The following STARD5 variants were observed in gnomAD, a reference collection of about 807,000 sequenced individuals.
STARD5 encodes StAR related lipid transfer domain containing 5.
In STARD5, 26 loss-of-function variants were observed where a neutral mutation model predicts 24.6. The observed-to-expected ratio is 1.06, with a 90% CI of 0.77 to 1.47. The LOEUF (loss-of-function observed/expected upper bound fraction) is 1.47. Among genes scored for constraint, STARD5 ranks in the 40% most tolerant of loss-of-function variants. The probability of loss-of-function intolerance (pLI) is 0.00; values close to 1 mark genes in which losing one functional copy is unlikely to be tolerated. For synonymous variants in STARD5, 101 were observed against 99.7 expected (o/e 1.01, Z -0.07); for missense variants, 254 against 270.8 (o/e 0.94, Z 0.44).
Position 81,322,359 on chromosome 15 carries a change from T to C in STARD5, c.282+49A>G, listed in dbSNP as rs115946248. 1,620 of 1,612,212 alleles carry C rather than the reference T, an allele frequency of 1.0e-3. 20 individuals carry two copies. The African/African-American group carries it at 0.019, about 19-fold the overall frequency. On this transcript the variant is annotated intron_variant, in intron 3 of 5. Transcript: ENST00000302824. ...CAGAAGAAATGGGAGGGGGTTACTA[T>C]AGCCTGGCCCAGACACTATCTAGAG...
Position 81,324,078 on chromosome 15 carries a change from G to C in STARD5, c.22C>G (p.Gln8Glu). Residue 8 changes from glutamine (Q) to glutamate (E), a missense_variant, in exon 1 of 6, where the codon CAG becomes GAG. By Grantham distance (29) the Gln-to-Glu change is conservative. Transcript: ENST00000302824. MDPALAA[Q>E]MSEAVAEKML... ...TTCTCGGCCACAGCCTCGCTCATCTGGGCTGCCAGCGCCGGGTCCATTGCG... is the reference window on the plus strand; with the variant it reads ...TTCTCGGCCACAGCCTCGCTCATCTCGGCTGCCAGCGCCGGGTCCATTGCG... The C allele has an allele frequency of 1.3e-6, 2 of 1,527,280 alleles. No individual in the cohort carries two copies. Among genetic ancestry groups the C allele is most frequent in the African/African-American group, 1.4e-5 (1 of 72,256 alleles). 94.6% of individuals were successfully genotyped at this position (1,527,280 alleles called of 1,614,324 possible).
chr15:81,323,865 T>C lies in STARD5; in HGVS notation c.99+136A>G, dbSNP rs192224121. ...TTTTTAAAGAAGAAAACAATCCCCATTGGAATCCCTCTCAATCGGGTCCAG... is the reference window on the plus strand; with the variant it reads ...TTTTTAAAGAAGAAAACAATCCCCACTGGAATCCCTCTCAATCGGGTCCAG... On this transcript the variant is annotated intron_variant, in intron 1 of 5. Coordinates refer to ENST00000302824, the MANE Select transcript of STARD5 (RefSeq NM_181900.3). The C allele has an allele frequency of 4.3e-4, 383 of 885,170 alleles. 2 individuals are homozygous for C. In the African/African-American group the frequency reaches 6.0e-3, roughly 14 times the overall value. The allele number at this position is 885,170 out of a possible 1,614,324, so 54.8% of individuals were successfully genotyped here. A position where few individuals can be genotyped will look rare whatever the true frequency, so the allele number is the denominator to read the frequency against.
intron 4 of STARD5, 39 bp downstream of exon 4, chr15:81,319,300 T>C: frequency 3.2e-6 from 5 of 1,551,466 alleles, no homozygotes; most frequent in Non-Finnish European, 4.5e-6. Flanking sequence ...AAGCTCGATA[T>C]CGCAGGAAGG....
chr15:81,313,501 C>T, intron 5 of STARD5, 98 bp from the exon 6 acceptor site: 1 of 1,202,834 alleles, frequency 8.3e-7, no homozygotes, highest in Non-Finnish European at 1.1e-6. Flanking sequence ...TGGAAATGGC[C>T]ATGATACAGT....
rs1893319589 is a variant in STARD5, at chr15:81,322,929, C to T, written c.119G>A (p.Trp40Ter). 6.2e-7 allele frequency: 1 copy of T among 1,613,998 alleles called. No individual in the cohort carries two copies. Among genetic ancestry groups the T allele is most frequent in the African/African-American group, 1.3e-5 (1 of 74,920 alleles). ...CCCTGGAAACTCCACAGATGGCCTC[C>T]AGGAAACTGAAACTCCATTCTGTCA... ...CREGNGVSVS[W>*]RPSVEFPGNL... Residue 40 changes from tryptophan to a stop codon, truncating the protein, a stop_gained, in exon 2 of 6, where the codon TGG (tryptophan) becomes TAG (stop). Coordinates refer to ENST00000302824, the MANE Select transcript of STARD5 (RefSeq NM_181900.3). LOFTEE classifies it high-confidence loss of function.
In STARD5 at chr15:81,318,517, A is replaced by G; in HGVS notation, c.401-15T>C. 2 of 1,612,218 alleles carry G rather than the reference A, an allele frequency of 1.2e-6. No homozygotes were observed. Among genetic ancestry groups the G allele is most frequent in the Non-Finnish European group, 8.5e-7 (1 of 1,178,718 alleles). Reference sequence around the variant, plus strand: ...CACATGGGTGGCTGGAAGACAGTGCAGAATCTCGGTGAGTTACAACTTCAG... The same window carrying G: ...CACATGGGTGGCTGGAAGACAGTGCGGAATCTCGGTGAGTTACAACTTCAG... On this transcript the variant is annotated splice_polypyrimidine_tract_variant and intron_variant, in intron 4 of 5. Transcript: ENST00000302824.
chr15:81,318,894 G>A (rs1040162206), intron 4 of STARD5, among the ~76,000 whole-genome samples: 1 of 152,222 alleles, frequency 6.6e-6, no homozygotes. Flanking sequence ...GAGAGGCATG[G>A]ATGCATCCAA....
intron 4 of STARD5, 131 bp from the exon 5 acceptor site, chr15:81,318,633 CG>C: frequency 1.4e-6 from 1 of 739,028 alleles, no homozygotes; most frequent in East Asian, 2.7e-5. Flanking sequence ...TGCCTCTTGG[CG>C]TGAGTTCCCC....
At position 81,324,075 on chromosome 15, in the gene STARD5, T is replaced by A; in HGVS notation, c.25A>T (p.Met9Leu). MDPALAAQMSEAVAEKMLQ... is the reference protein window; with the variant it reads MDPALAAQLSEAVAEKMLQ... Reference sequence around the variant, plus strand: ...ATCTTCTCGGCCACAGCCTCGCTCATCTGGGCTGCCAGCGCCGGGTCCATT... The same window carrying A: ...ATCTTCTCGGCCACAGCCTCGCTCAACTGGGCTGCCAGCGCCGGGTCCATT... The change falls in exon 1 of 6, where the codon ATG becomes TTG. Residue 9 changes from methionine (M) to leucine (L), a missense_variant. By Grantham distance (15) the Met-to-Leu change is conservative (BLOSUM62 2). Transcript: ENST00000302824. 1 of 1,541,900 alleles carries A rather than the reference T, an allele frequency of 6.5e-7. No homozygotes were observed. The highest frequency in any genetic ancestry group is 1.2e-5 in the South Asian group (1 of 83,190).
chr15:81,319,920 G>T (rs1317524551), intron 3 of STARD5, among the ~76,000 whole-genome samples: 1 of 152,186 alleles, frequency 6.6e-6, no homozygotes, highest in Non-Finnish European at 1.5e-5. Flanking sequence ...GGGAAGAGAG[G>T]CCACTCTTTT....
At chr15:81,315,044 T>C (rs1901052078) in intron 5 of STARD5, among the ~76,000 whole-genome samples, 1 of 152,138 alleles carries the variant, frequency 6.6e-6, no homozygotes, top group African/African-American at 2.4e-5. Flanking sequence ...TGTGCCCTGC[T>C]TCCCCAAAGA....
Position 81,313,267 on chromosome 15 carries a change from A to G in STARD5, c.631T>C (p.Phe211Leu), listed in dbSNP as rs759593941. The G allele has an allele frequency of 6.4e-7, 1 of 1,569,952 alleles. No homozygotes were observed. The highest frequency in any genetic ancestry group is 1.9e-5 in the Admixed American group (1 of 53,740). The part of the protein sequence containing the change: ...YANLQKAVKQ[F>L]HE ...AAGTAACGATAGCATTACTCATGGA[A>G]TTGCTTCACTGCTTTCTGAAGGTTG... is the stretch of plus-strand genomic sequence containing the variant. Residue 211 changes from phenylalanine to leucine, a missense_variant, in exon 6 of 6, where the codon TTC becomes CTC. Coordinates refer to ENST00000302824, the MANE Select transcript of STARD5 (RefSeq NM_181900.3).
chr15:81,318,626 C>T, intron 4 of STARD5, 124 bp from the exon 5 acceptor site: 1 of 803,952 alleles, frequency 1.2e-6, no homozygotes, highest in African/African-American at 1.7e-5. Context: ...GGACTCCTGC[C>T]TCTTGGCGTG....
Position 81,322,453 on chromosome 15 carries a change from C to T in STARD5, c.237G>A (p.Trp79Ter), listed in dbSNP as rs766565014. The change falls in exon 3 of 6, where the codon TGG (tryptophan) becomes TGA (stop). Residue 79 changes from tryptophan to a stop codon, truncating the protein, a stop_gained. Coordinates refer to ENST00000302824, the MANE Select transcript of STARD5 (RefSeq NM_181900.3). LOFTEE classifies it high-confidence loss of function. ...KPAVGGLRVK[W>*]DENVTGFEII... ...TTTCAAAACCGGTCACATTCTCATC[C>T]CACTTCACTCGTAGGCCTCCAACAG... 5 of 1,614,118 alleles carry T rather than the reference C, an allele frequency of 3.1e-6. No individual in the cohort carries two copies. In the East Asian group the frequency reaches 1.1e-4, roughly 36 times the overall value.
At chr15:81,322,661 C>T (rs1893313081) in intron 2 of STARD5, 121 bp from the exon 3 acceptor site, 1 of 1,504,796 alleles carries the variant, frequency 6.6e-7, no homozygotes, top group Non-Finnish European at 9.1e-7. Flanking sequence ...GACAGACTTG[C>T]AGAGAAGGGG....
rs758946268 is a variant in STARD5 at position 81,313,358 on chromosome 15, G to C, written c.540C>G (p.Leu180=). The C allele has an allele frequency of 1.3e-6, 2 of 1,583,824 alleles. No individual in the cohort carries two copies. The highest frequency in any genetic ancestry group is 2.4e-5 in the South Asian group (2 of 85,054). Reference sequence around the variant, plus strand: ...CCACGTTCTGTGGGAGGTAACCGCTGAGGTCGGTATGGAAGAATGTGACCA... The same window carrying C: ...CCACGTTCTGTGGGAGGTAACCGCTCAGGTCGGTATGGAAGAATGTGACCA... The part of the protein sequence containing the change: ...TNLVTFFHTD[L]SGYLPQNVVD... Residue 180 remains leucine, a synonymous_variant, in exon 6 of 6, where the codon CTC becomes CTG. Transcript: ENST00000302824.
Position 81,313,482 on chromosome 15 carries a change from C to T in STARD5, c.495-79G>A, listed in dbSNP as rs543069354. ...CGAGCGCCAGGCAGGTGAGCAGAGC[C>T]CAGCCCAGTGGAAATGGCCATGATA... On this transcript the variant is annotated intron_variant, in intron 5 of 5. Coordinates refer to ENST00000302824, the MANE Select transcript of STARD5 (RefSeq NM_181900.3). 10 of 1,361,916 alleles carry T rather than the reference C, an allele frequency of 7.3e-6. No individual in the cohort carries two copies. The Admixed American group carries it at 8.4e-5, about 11-fold the overall frequency. The allele number at this position is 1,361,916 out of a possible 1,614,324, so 84.4% of individuals were successfully genotyped here.
chr15:81,321,189 G>C (rs1354295374), intron 3 of STARD5, among the ~76,000 whole-genome samples: 1 of 152,176 alleles, frequency 6.6e-6, no homozygotes, highest in Non-Finnish European at 1.5e-5. Flanking sequence ...AGAAAAAAGA[G>C]AGCTCCCATT....
intron 5 of STARD5, among the ~76,000 whole-genome samples, chr15:81,317,828 C>T (rs1901113889): frequency 6.6e-6 from 1 of 152,214 alleles, no homozygotes. Flanking sequence ...TGGCAAGAGC[C>T]TGGCCATGAC....
Sources: gnomAD v4.1 joint callset for allele counts (sites outside exome capture counted in the v4.1 genomes callset) on GRCh38, gnomAD v4.1.1 for gene constraint, MANE v1.5 for transcripts, NCBI Gene and HGNC (gene_info 2026-07-23, HGNC 2026-07-21) for gene names.